RGS6: variants seen among roughly 807,000 people sequenced by gnomAD.
RGS6 encodes regulator of G-protein signaling 6.
RGS6 carries 30 observed loss-of-function variants against 78.5 expected under a neutral mutation model. That is an observed-to-expected ratio of 0.38 (90% confidence interval 0.29 to 0.52). RGS6 has a LOEUF of 0.52. Ranked by LOEUF, RGS6 falls within the 20% of genes least tolerant of loss-of-function variation. The pLI is 0.85. For synonymous variants in RGS6, 206 were observed against 206.0 expected, an observed-to-expected ratio of 1.00 and a Z score of 0.00; for missense variants, 495 against 609.7, an observed-to-expected ratio of 0.81 and a Z score of 1.98.
At chr14:72,444,007 C>G (rs186837445) in intron 3 of RGS6, among the ~76,000 whole-genome samples, 36 of 152,288 alleles carry the variant, frequency 2.4e-4, no homozygotes, top group Non-Finnish European at 4.3e-4. Flanking sequence ...TGAGCTAAAT[C>G]CCGCACACTC....
At chr14:72,008,258 A>G (rs748276424) in intron 2 of RGS6, among the ~76,000 whole-genome samples, 1 of 152,010 alleles carries the variant, frequency 6.6e-6, no homozygotes, top group Non-Finnish European at 1.5e-5. Context: ...TTGTTTCTTT[A>G]TTTGCACATG....
At chr14:72,097,936 G>A (rs553969516) in intron 2 of RGS6, among the ~76,000 whole-genome samples, 10 of 152,208 alleles carry the variant, frequency 6.6e-5, no homozygotes, top group Non-Finnish European at 1.3e-4. Context: ...AAGCGGGAAT[G>A]TATAGTCAAC....
At chr14:71,872,914 A>G in the RGS6 span, among the ~76,000 whole-genome samples, 1 of 152,140 alleles carries the variant, frequency 6.6e-6, no homozygotes, top group Non-Finnish European at 1.5e-5. Flanking sequence ...TCCTTCCAAG[A>G]GTTTGCTCAG....
intron 2 of RGS6, among the ~76,000 whole-genome samples, chr14:72,302,649 G>A (rs969719961): frequency 6.6e-5 from 10 of 151,664 alleles, no homozygotes; most frequent in African/African-American, 1.5e-4. Flanking sequence ...CTTTCCAAAC[G>A]GCCTCAGAGG....
intron 2 of RGS6, among the ~76,000 whole-genome samples, chr14:72,243,735 C>T (rs768144618): frequency 1.4e-4 from 22 of 151,834 alleles, no homozygotes; most frequent in Non-Finnish European, 2.8e-4. Context: ...ACATTTCCTA[C>T]ATTCTCTAGG....
At position 72,476,840 on chromosome 14, in the gene RGS6, G is replaced by A. The variant is rs1380447079; in HGVS notation, c.792G>A (p.Gln264=). The change falls in exon 11 of 18, where the codon CAG becomes CAA. Residue 264 remains glutamine, a splice_region_variant and synonymous_variant. Transcript: ENST00000553525. ...RKTTKEDIRK[Q]ITFLNAQIDR... is the part of the protein sequence containing the mutation. The stretch of plus-strand genomic sequence containing the variant: ...CAACAAAAGAGGACATCCGGAAACA[G>A]GTGAATGAATTGACAGCTTGCACTC... The A allele has an allele frequency of 6.2e-7, 1 of 1,613,642 alleles. No homozygotes were observed. The highest frequency in any genetic ancestry group is 1.3e-5 in the African/African-American group (1 of 75,038).
At chr14:71,976,077 G>C (rs1347806848) in intron 2 of RGS6, among the ~76,000 whole-genome samples, 2 of 151,396 alleles carry the variant, frequency 1.3e-5, no homozygotes, top group South Asian at 4.1e-4. Context: ...TCTTTTTATA[G>C]TTTCTAGTTT....
At chr14:72,385,570 T>A (rs1412959636) in intron 3 of RGS6, among the ~76,000 whole-genome samples, 1 of 152,170 alleles carries the variant, frequency 6.6e-6, no homozygotes, top group East Asian at 1.9e-4. Context: ...TTCCAGCCAA[T>A]GATATGAAGC....
At chr14:72,389,833 TG>T (rs1386201639) in intron 3 of RGS6, among the ~76,000 whole-genome samples, 1 of 152,226 alleles carries the variant, frequency 6.6e-6, no homozygotes, top group Non-Finnish European at 1.5e-5. Context: ...TTAATAAAGT[TG>T]AAGTCTATCC....
At chr14:72,590,480 A>G in the RGS6 span, among the ~76,000 whole-genome samples, 9 of 152,302 alleles carry the variant, frequency 5.9e-5, no homozygotes, top group South Asian at 1.0e-3. Flanking sequence ...ACAACCTAGA[A>G]GAATCTCAAA....
chr14:72,313,005 C>CTT (rs2069032258), intron 2 of RGS6, among the ~76,000 whole-genome samples: 1 of 152,180 alleles, frequency 6.6e-6, no homozygotes, highest in Non-Finnish European at 1.5e-5. Flanking sequence ...CTGGCATTAA[C>CTT]ACAGAATGAC....
rs565904852 is a variant in RGS6, at chr14:72,343,385, C to G, written c.85-8710C>G. ...CCCTTTTCCATCATCACATCTGTCT[C>G]TAACCAACTATAGCTGGGAAAGGTC... On this transcript the variant is annotated intron_variant, in intron 2 of 17. Coordinates refer to ENST00000553525, the MANE Select transcript of RGS6 (RefSeq NM_001204424.2). Among the ~76,000 whole-genome samples the G allele has an allele frequency of 7.9e-5, 12 of 152,306 alleles. No individual in the cohort carries two copies. The South Asian group carries it at 2.1e-3, about 26-fold the overall frequency.
intron 2 of RGS6, among the ~76,000 whole-genome samples, chr14:72,227,723 G>T (rs2048455479): frequency 6.6e-6 from 1 of 152,166 alleles, no homozygotes; most frequent in Admixed American, 6.5e-5. Context: ...TAAAGTATAT[G>T]AGATAAAGAA....
chr14:72,353,337 A>C (rs888834699), intron 3 of RGS6, among the ~76,000 whole-genome samples: 1 of 152,246 alleles, frequency 6.6e-6, no homozygotes, highest in East Asian at 1.9e-4. Context: ...AATGTCCTTC[A>C]GTGAACGGGT....
At chr14:71,936,015 G>GAGATATATATATATATATATAT (rs751624395) in intron 1 of RGS6, among the ~76,000 whole-genome samples, 41 of 63,758 alleles carry the variant, frequency 6.4e-4, no homozygotes, top group African/African-American at 2.1e-3. Flanking sequence ...GAACTAATAG[G>GAGATATATATATATATATATAT]ATATATATAT....
At chr14:72,308,111 TATG>T (rs1490855292) in intron 2 of RGS6, among the ~76,000 whole-genome samples, 1 of 152,252 alleles carries the variant, frequency 6.6e-6, no homozygotes, top group Non-Finnish European at 1.5e-5. Flanking sequence ...CATCTTTAAA[TATG>T]ATGATTTTAC....
intron 2 of RGS6, among the ~76,000 whole-genome samples, chr14:72,278,189 T>G (rs1462994292): frequency 6.6e-6 from 1 of 152,214 alleles, no homozygotes; most frequent in Non-Finnish European, 1.5e-5. Context: ...CATACAAACA[T>G]GTATTATGAA....
At chr14:72,251,122 A>G (rs1206778963) in intron 2 of RGS6, among the ~76,000 whole-genome samples, 3 of 152,236 alleles carry the variant, frequency 2.0e-5, no homozygotes, top group Non-Finnish European at 2.9e-5. Flanking sequence ...AGGAAACAAT[A>G]GTTTATAAAT....
intron 2 of RGS6, among the ~76,000 whole-genome samples, chr14:72,178,017 T>C (rs2097128803): frequency 6.6e-6 from 1 of 152,218 alleles, no homozygotes; most frequent in Admixed American, 6.5e-5. Context: ...CCTTCTCCCA[T>C]AGGTGCTAGT....
Sources: gnomAD v4.1 joint callset for allele counts (sites outside exome capture counted in the v4.1 genomes callset) on GRCh38, gnomAD v4.1.1 for gene constraint, MANE v1.5 for transcripts, NCBI Gene and HGNC (gene_info 2026-07-23, HGNC 2026-07-21) for gene names.